Variants in PAPLN observed in about 807,000 individuals in gnomAD.
The protein encoded by PAPLN is papilin.
Under a neutral mutation model 159.0 loss-of-function variants are expected in PAPLN, and 146 were observed. That is an observed-to-expected ratio of 0.92 (90% confidence interval 0.80 to 1.05). PAPLN has a LOEUF of 1.05. PAPLN is among the 50% of genes least tolerant of loss of function. PAPLN has a pLI of 0.00. For synonymous variants in PAPLN, 734 were observed against 702.9 expected (o/e 1.04, Z -0.70); for missense variants, 1,720 against 1,743.9 (o/e 0.99, Z 0.24).
intron 5 of PAPLN, among the ~76,000 whole-genome samples, chr14:73,247,200 A>T (rs1056927683): frequency 6.6e-6 from 1 of 152,188 alleles, no homozygotes; most frequent in Admixed American, 6.5e-5. Context: ...GACTTCATTT[A>T]TCAAGGATCT....
chr14:73,250,958 C>T lies in PAPLN; in HGVS notation c.517C>T (p.Leu173=), dbSNP rs1385263325. ...LDSSKQEDKC[L]RCGGDGTTCY... ...CTCGTCCAAGCAGGAGGACAAGTGT[C>T]TGCGGTGTGGGGGTGACGGCACGAC... The change falls in exon 7 of 27, where the codon CTG becomes TTG. Residue 173 remains leucine, a synonymous_variant. Transcript: ENST00000644200. The T allele has an allele frequency of 1.9e-6, 3 of 1,613,838 alleles. No individual in the cohort carries two copies. The highest frequency in any genetic ancestry group is 2.2e-5 in the East Asian group (1 of 44,872).
chr14:73,256,821 T>C (rs1317287816), intron 14 of PAPLN, among the ~76,000 whole-genome samples: 1 of 152,192 alleles, frequency 6.6e-6, no homozygotes, highest in East Asian at 1.9e-4. Flanking sequence ...AGGTGGAGGT[T>C]GCAGTGAGCT....
rs933664605 is a variant in PAPLN at position 73,239,718 on chromosome 14, G to T, written c.-6-55G>T. The stretch of plus-strand genomic sequence containing the variant: ...GACGCGCCCACACACTCTCGCCCGC[G>T]CCCAGGACAGCTGCGGGAGCCCCGG... On this transcript the variant is annotated intron_variant, in intron 1 of 26. Coordinates refer to ENST00000644200, the MANE Select transcript of PAPLN (RefSeq NM_001365906.3). 3.4e-5 allele frequency: 52 copies of T among 1,535,132 alleles called. No individual in the cohort carries two copies. The African/African-American group carries it at 6.4e-4, about 19-fold the overall frequency.
chr14:73,245,586 G>A lies in PAPLN; in HGVS notation c.171-50G>A. 1 of 1,538,348 alleles carries A rather than the reference G, an allele frequency of 6.5e-7. No homozygotes were observed. On this transcript the variant is annotated intron_variant, in intron 3 of 26. Transcript: ENST00000644200. The surrounding 1 kb of genome is among the most constrained non-coding windows in gnomAD (Gnocchi z 4.2). ...GCCTGCAGAGAGCCCCAGAACGGGG[G>A]CAGGGACGTTGGGTCTCGGTCAGGT...
In PAPLN at chr14:73,259,424, CG is replaced by C; in HGVS notation, c.1866del (p.Ser623ArgfsTer179). On this transcript the variant is annotated frameshift_variant, in exon 16 of 27. Transcript: ENST00000644200. LOFTEE classifies it high-confidence loss of function. The part of the protein sequence containing the change: ...LQQPPYQQPL[R>X]SGSGPHDCRH... ...GCAGCCCCCATACCAGCAACCCCTG[CG>C]GTCGGGCTCAGGGCCCCACGACTGC... The C allele has an allele frequency of 6.2e-7, 1 of 1,612,874 alleles. No individual in the cohort carries two copies. The highest frequency in any genetic ancestry group is 8.5e-7 in the Non-Finnish European group (1 of 1,179,640).
intron 1 of PAPLN, chr14:73,239,492 T>G: frequency 2.2e-6 from 1 of 449,838 alleles, no homozygotes; most frequent in Non-Finnish European, 3.9e-6. Flanking sequence ...GTATTTTTAA[T>G]TGCTCTCTCT....
chr14:73,238,402 T>G (rs1302335996), intron 1 of PAPLN, among the ~76,000 whole-genome samples: 1 of 152,238 alleles, frequency 6.6e-6, no homozygotes, highest in African/African-American at 2.4e-5. Flanking sequence ...AGACCCGGAC[T>G]GGCCTTGGAG....
chr14:73,252,802 A>G (rs543414641), intron 11 of PAPLN, 27 bp downstream of exon 11: 2 of 1,611,734 alleles, frequency 1.2e-6, no homozygotes, highest in African/African-American at 1.3e-5. Context: ...CCCTCTACCC[A>G]TGATGAGGCC....
chr14:73,272,637 G>T lies in PAPLN; in HGVS notation c.3810G>T (p.Gln1270His). Reference protein sequence around the residue: ...SFCCASCSRFQPHAQPIWQ With the variant: ...SFCCASCSRFHPHAQPIWQ ...GCTGTGCCAGCTGTTCACGTTTCCA[G>T]CCTCACGCTCAGCCCATCTGGCAGT... is the stretch of plus-strand genomic sequence containing the variant. Residue 1270 changes from glutamine (Q) to histidine (H), a missense_variant, in exon 27 of 27, where the codon CAG becomes CAT. By Grantham distance (24) the Gln-to-His change is conservative. Transcript: ENST00000644200. 1 of 1,588,532 alleles carries T rather than the reference G, an allele frequency of 6.3e-7. No individual in the cohort carries two copies. The highest frequency in any genetic ancestry group is 8.6e-7 in the Non-Finnish European group (1 of 1,159,494).
intron 5 of PAPLN, 123 bp downstream of exon 5, chr14:73,246,298 G>A: frequency 1.1e-6 from 1 of 872,046 alleles, no homozygotes; most frequent in South Asian, 2.3e-5. Context: ...GTCTCACTGT[G>A]TTGCCCAGGC....
At position 73,251,724 on chromosome 14, in the gene PAPLN, G is replaced by A. The variant is rs930891145; in HGVS notation, c.731G>A (p.Arg244Gln). Residue 244 changes from arginine to glutamine, a missense_variant, in exon 9 of 27, where the codon CGG becomes CAG. Coordinates refer to ENST00000644200, the MANE Select transcript of PAPLN (RefSeq NM_001365906.3). ...GGGCACTGGACCATCGAGGCGGCCC[G>A]GGCCCTGCCAGCAGCCAGCACCATC... ...LNGHWTIEAA[R>Q]ALPAASTILH... 15 of 1,613,162 alleles carry A rather than the reference G, an allele frequency of 9.3e-6. No homozygotes were observed. Among genetic ancestry groups the A allele is most frequent in the African/African-American group, 4.0e-5 (3 of 74,920 alleles).
rs548788835 is a variant in PAPLN at position 73,257,824 on chromosome 14, C to T, written c.1628-1155C>T. On this transcript the variant is annotated intron_variant, in intron 14 of 26. Coordinates refer to ENST00000644200, the MANE Select transcript of PAPLN (RefSeq NM_001365906.3). ...TGTCGCCCAGTTTGGAGTGCAGTGG[C>T]GCGATCTCGGCTCACTGCAACCTCT... is the stretch of plus-strand genomic sequence containing the variant. Among the ~76,000 whole-genome samples, 367 of 134,260 alleles carry T rather than the reference C, an allele frequency of 2.7e-3. 1 individual carries two copies. Among genetic ancestry groups the T allele is most frequent in the African/African-American group, 9.0e-3 (326 of 36,298 alleles). The allele number at this position is 134,260 out of a possible 152,430, so 88.1% of individuals were successfully genotyped here.
intron 19 of PAPLN, 176 bp from the exon 20 acceptor site, chr14:73,263,469 G>C (rs1036268069): frequency 2.7e-6 from 2 of 751,222 alleles, no homozygotes; most frequent in African/African-American, 1.8e-5. Context: ...GGTTGGGGAG[G>C]GTAGATTCCT....
intron 20 of PAPLN, 145 bp downstream of exon 20, chr14:73,263,927 TACCC>T: frequency 3.8e-6 from 2 of 522,350 alleles, no homozygotes; most frequent in East Asian, 7.3e-5. Flanking sequence ...ACAGCCCCCC[TACCC>T]CCTCTGACAG....
intron 5 of PAPLN, among the ~76,000 whole-genome samples, chr14:73,247,663 C>CGTGT (rs148614929): frequency 4.5e-5 from 2 of 44,468 alleles, no homozygotes; most frequent in East Asian, 8.9e-4. Flanking sequence ...TGTGTGTGTG[C>CGTGT]GTGTGTGTGT....
At chr14:73,236,486 G>A (rs938858866), upstream of PAPLN, among the ~76,000 whole-genome samples, 2 of 152,124 alleles carry the variant, frequency 1.3e-5, no homozygotes, top group African/African-American at 4.8e-5. Flanking sequence ...TCAGGAGTTC[G>A]AGACCAGGTT....
At chr14:73,251,459 A>G (rs1351128782) in intron 7 of PAPLN, 27 bp from the exon 8 acceptor site, 6 of 1,595,722 alleles carry the variant, frequency 3.8e-6, no homozygotes, top group Non-Finnish European at 5.1e-6. Context: ...AGCCCAGCAC[A>G]CCCAGCACCT....
At chr14:73,268,535 C>G in intron 25 of PAPLN, 22 bp from the exon 26 acceptor site, 1 of 1,603,384 alleles carries the variant, frequency 6.2e-7, no homozygotes, top group Non-Finnish European at 8.5e-7. Context: ...TGATGGCTCT[C>G]CCAGTGTCCT....
chr14:73,249,956 C>G, intron 5 of PAPLN, 28 bp from the exon 6 acceptor site: 1 of 1,577,082 alleles, frequency 6.3e-7, no homozygotes, highest in South Asian at 1.2e-5. Context: ...ACCTCAGGAT[C>G]TCAGTCTTGC....
Sources: gnomAD v4.1 joint callset for allele counts (sites outside exome capture counted in the v4.1 genomes callset) on GRCh38, gnomAD v4.1.1 for gene constraint, Gnocchi (gnomAD v3.1) non-coding constraint, MANE v1.5 for transcripts, NCBI Gene and HGNC (gene_info 2026-07-23, HGNC 2026-07-21) for gene names.